EPSTI1: variants seen among roughly 807,000 people sequenced by gnomAD.
The protein encoded by EPSTI1 is epithelial stromal interaction 1, also known as epithelial-stromal interaction protein 1.
EPSTI1 carries 66 observed loss-of-function variants against 49.9 expected under a neutral mutation model. That is an observed-to-expected ratio of 1.32 (90% CI 1.08 to 1.62). The LOEUF (loss-of-function observed/expected upper bound fraction) is 1.62, where lower values mean the gene tolerates loss of function less well. Ranked by LOEUF, EPSTI1 falls within the 40% of genes most tolerant of loss-of-function variation. The pLI is 0.00. For synonymous variants in EPSTI1, 137 were observed against 130.7 expected (o/e 1.05, Z -0.33); for missense variants, 394 against 365.5 (o/e 1.08, Z -0.64).
chr13:42,890,391 A>G (rs931600771), intron 10 of EPSTI1, among the ~76,000 whole-genome samples: 1 of 142,334 alleles, frequency 7.0e-6, no homozygotes, highest in African/African-American at 2.7e-5. Flanking sequence ...TCCGCCTCCC[A>G]GGTTCACGCC....
intron 6 of EPSTI1, among the ~76,000 whole-genome samples, chr13:42,932,223 G>A (rs2038400365): frequency 6.6e-6 from 1 of 152,090 alleles, no homozygotes; most frequent in African/African-American, 2.4e-5. Context: ...ACGAGCCACT[G>A]TGCTCAGTCT....
intron 7 of EPSTI1, among the ~76,000 whole-genome samples, chr13:42,924,885 G>T (rs2038124778): frequency 6.6e-6 from 1 of 152,012 alleles, no homozygotes; most frequent in Non-Finnish European, 1.5e-5. Context: ...TTAAAAACAT[G>T]GTCTCTATTG....
chr13:42,920,874 C>T (rs1456385405), intron 7 of EPSTI1, among the ~76,000 whole-genome samples: 1 of 151,776 alleles, frequency 6.6e-6, no homozygotes, highest in Non-Finnish European at 1.5e-5. Context: ...TTTAAAGTAA[C>T]AAAGAAAAAA....
At chr13:42,942,720 C>T (rs1310239412) in intron 6 of EPSTI1, among the ~76,000 whole-genome samples, 2 of 124,486 alleles carry the variant, frequency 1.6e-5, no homozygotes, top group Admixed American at 1.0e-4. Context: ...CTTGCTCTGT[C>T]GCCCAGGCCG....
At chr13:42,943,669 T>G (rs2038831910) in intron 6 of EPSTI1, among the ~76,000 whole-genome samples, 2 of 152,178 alleles carry the variant, frequency 1.3e-5, no homozygotes, top group Admixed American at 1.3e-4. Flanking sequence ...AAAAAGGAAC[T>G]AGTCAACTTT....
chr13:42,928,235 G>A (rs898440968), intron 6 of EPSTI1, among the ~76,000 whole-genome samples: 2 of 152,150 alleles, frequency 1.3e-5, no homozygotes, highest in Non-Finnish European at 2.9e-5. Context: ...CCCATGTTAC[G>A]ACACTAACTC....
At chr13:42,901,409 A>G (rs1259365572) in intron 8 of EPSTI1, among the ~76,000 whole-genome samples, 1 of 152,208 alleles carries the variant, frequency 6.6e-6, no homozygotes, top group East Asian at 1.9e-4. Context: ...TATTCCAAAT[A>G]CATTGCTCAT....
intron 8 of EPSTI1, among the ~76,000 whole-genome samples, chr13:42,908,270 C>T (rs2037555337): frequency 6.6e-6 from 1 of 152,042 alleles, no homozygotes; most frequent in Non-Finnish European, 1.5e-5. Flanking sequence ...CAGATCACTG[C>T]AGGCTAGGAG....
intron 8 of EPSTI1, among the ~76,000 whole-genome samples, chr13:42,913,254 T>A (rs1803489868): frequency 6.6e-6 from 1 of 152,078 alleles, no homozygotes; most frequent in Non-Finnish European, 1.5e-5. Flanking sequence ...ATCTACCCAT[T>A]AAGAGATTCT....
intron 3 of EPSTI1, 81 bp downstream of exon 3, chr13:42,969,013 A>G: frequency 2.2e-6 from 3 of 1,351,926 alleles, no homozygotes; most frequent in Non-Finnish European, 3.1e-6. Flanking sequence ...GGACATTCAC[A>G]GACAGACATA....
chr13:42,889,111 C>G lies in EPSTI1; in HGVS notation c.916-609G>C, dbSNP rs147274859. The G allele has an allele frequency of 1.6e-4, 150 of 950,404 alleles. 1 individual carries two copies. In the Middle Eastern group the frequency reaches 1.7e-3, roughly 11 times the overall value. The allele number at this position is 950,404 out of a possible 1,614,324, so 58.9% of individuals were successfully genotyped here. On this transcript the variant is annotated intron_variant, in intron 10 of 10. Transcript: ENST00000313624. ...TGGTCATAGGAAATGCTTAACTGCC[C>G]CTGAAGACATAGGATTTAGAGTTTC...
At chr13:42,932,540 C>T (rs2038411277) in intron 6 of EPSTI1, among the ~76,000 whole-genome samples, 1 of 151,652 alleles carries the variant, frequency 6.6e-6, no homozygotes, top group South Asian at 2.1e-4. Context: ...GATCTTTATC[C>T]AAGAGTTAAC....
chr13:42,970,996 G>A (rs2039754125), intron 1 of EPSTI1, among the ~76,000 whole-genome samples: 1 of 152,158 alleles, frequency 6.6e-6, no homozygotes, highest in Non-Finnish European at 1.5e-5. Context: ...GCTTTAGATT[G>A]GCATTCTCTT....
chr13:42,973,702 G>C (rs1323865), intron 1 of EPSTI1, among the ~76,000 whole-genome samples: 97,830 of 151,984 alleles, frequency 0.64, 31,562 homozygotes, highest in Middle Eastern at 0.83. Flanking sequence ...CAATTAGTTT[G>C]TACCCACAGC....
At chr13:42,918,954 G>T (rs1167096659) in intron 7 of EPSTI1, among the ~76,000 whole-genome samples, 2 of 152,010 alleles carry the variant, frequency 1.3e-5, no homozygotes, top group African/African-American at 4.8e-5. Flanking sequence ...AGGGAGGGAA[G>T]GAGGGTGAGA....
At position 42,964,105 on chromosome 13, in the gene EPSTI1, T is replaced by C. The variant is rs745520018; in HGVS notation, c.366A>G (p.Lys122=). The change falls in exon 4 of 11, where the codon AAA becomes AAG. Residue 122 remains lysine (K), a synonymous_variant. Coordinates refer to ENST00000313624, the MANE Select transcript of EPSTI1 (RefSeq NM_033255.5). The part of the protein sequence containing the change: ...GSQSETEVRQ[K]QQLQLMQSKY... ...TAGATTGCATCAGCTGGAGTTGTTGTTTCTGTCTGACTTCAGTTTCTGACT... is the reference window on the plus strand; with the variant it reads ...TAGATTGCATCAGCTGGAGTTGTTGCTTCTGTCTGACTTCAGTTTCTGACT... 9.3e-6 allele frequency: 15 copies of C among 1,613,674 alleles called. No homozygotes were observed. The highest frequency in any genetic ancestry group is 7.7e-5 in the South Asian group (7 of 91,032).
chr13:42,988,853 T>C (rs1257856970), intron 1 of EPSTI1, among the ~76,000 whole-genome samples: 1 of 1,960 alleles, frequency 5.1e-4, no homozygotes, highest in Non-Finnish European at 0.062. Flanking sequence ...ATAGGTGGTT[T>C]ATTTATTTAT....
intron 8 of EPSTI1, among the ~76,000 whole-genome samples, chr13:42,908,825 A>G (rs1441796267): frequency 6.6e-6 from 1 of 151,802 alleles, no homozygotes; most frequent in African/African-American, 2.4e-5. Context: ...GCTCATGCCT[A>G]TAATCCCAGC....
At chr13:42,905,789 CAG>C (rs2037481566) in intron 8 of EPSTI1, among the ~76,000 whole-genome samples, 1 of 152,114 alleles carries the variant, frequency 6.6e-6, no homozygotes, top group Admixed American at 6.5e-5. Flanking sequence ...AACTCTGACA[CAG>C]GGCAAAAAGA....
Sources: allele counts gnomAD v4.1 joint callset (sites outside exome capture counted in the v4.1 genomes callset), GRCh38; gene constraint gnomAD v4.1.1; transcripts MANE v1.5; gene names NCBI Gene and HGNC (gene_info 2026-07-23, HGNC 2026-07-21).